The following NRG3 variants were observed in gnomAD, a reference collection of about 807,000 sequenced individuals.
NRG3 encodes the protein pro-neuregulin-3, membrane-bound isoform.
NRG3 carries 31 observed loss-of-function variants against 66.9 expected under a neutral mutation model. The observed-to-expected ratio is 0.46, with a 90% CI of 0.35 to 0.63. The LOEUF is 0.63. Among genes scored for constraint, NRG3 ranks in the 20% least tolerant of loss-of-function variants. The pLI, the probability that NRG3 is intolerant of heterozygous loss-of-function variation, is 0.00. For synonymous variants in NRG3, 393 were observed against 359.4 expected, an observed-to-expected ratio of 1.09 and a Z score of -1.06; for missense variants, 910 against 878.9, an observed-to-expected ratio of 1.04 and a Z score of -0.45.
chr10:82,967,072 T>A (rs1851278291), intron 6 of NRG3, among the ~76,000 whole-genome samples: 1 of 151,390 alleles, frequency 6.6e-6, no homozygotes, highest in Non-Finnish European at 1.5e-5. Flanking sequence ...GGAAGCTAGG[T>A]GTGTATGTTA....
chr10:82,307,764 T>TC (rs1050087097), intron 1 of NRG3, among the ~76,000 whole-genome samples: 10 of 150,850 alleles, frequency 6.6e-5, no homozygotes, highest in African/African-American at 2.4e-4. Flanking sequence ...CTTTTTTTTT[T>TC]CCTGTCATTT....
intron 2 of NRG3, among the ~76,000 whole-genome samples, chr10:82,721,733 T>G (rs1427866758): frequency 1.3e-5 from 2 of 152,180 alleles, no homozygotes; most frequent in Non-Finnish European, 2.9e-5. Flanking sequence ...CTTATTTGTT[T>G]TAATAAAAGG....
intron 2 of NRG3, among the ~76,000 whole-genome samples, chr10:82,490,093 G>A (rs1237346359): frequency 6.6e-6 from 1 of 152,130 alleles, no homozygotes; most frequent in Non-Finnish European, 1.5e-5. Flanking sequence ...TTAGATCATT[G>A]CCATCTCTAT....
rs555588957 is a variant in NRG3, at chr10:82,022,061, C to T, written c.823+145898C>T. On this transcript the variant is annotated intron_variant, in intron 1 of 8. Coordinates refer to ENST00000372141, the MANE Select transcript of NRG3 (RefSeq NM_001010848.4). The stretch of plus-strand genomic sequence containing the variant: ...AGCATCAAATTCTGAATGGGCATCA[C>T]TGATTCATTTACACATCTGTTAAAA... Among the ~76,000 whole-genome samples the T allele has an allele frequency of 2.6e-5, 4 of 151,964 alleles. No homozygotes were observed. The South Asian group carries it at 8.3e-4, about 32-fold the overall frequency.
chr10:82,437,454 T>G (rs1318474046), intron 2 of NRG3, among the ~76,000 whole-genome samples: 1 of 152,056 alleles, frequency 6.6e-6, no homozygotes, highest in Non-Finnish European at 1.5e-5. Context: ...TTATGAAGTT[T>G]CTTAGCTTCT....
Position 82,099,301 on chromosome 10 carries a change from T to C in NRG3, c.823+223138T>C, listed in dbSNP as rs2066576641. Among the ~76,000 whole-genome samples, 2 of 152,192 alleles carry C rather than the reference T, an allele frequency of 1.3e-5. 1 individual carries two copies. The highest frequency in any genetic ancestry group is 4.1e-4 in the South Asian group (2 of 4,834). On this transcript the variant is annotated intron_variant, in intron 1 of 8. Coordinates refer to ENST00000372141, the MANE Select transcript of NRG3 (RefSeq NM_001010848.4). ...TAAAATTTGGTTAGGATTCACTTTTTTGATAACTGATTGTTCCACCAAAAT... is the reference window on the plus strand; with the variant it reads ...TAAAATTTGGTTAGGATTCACTTTTCTGATAACTGATTGTTCCACCAAAAT...
At chr10:82,976,399 A>G (rs1852258965) in intron 7 of NRG3, among the ~76,000 whole-genome samples, 1 of 152,120 alleles carries the variant, frequency 6.6e-6, no homozygotes, top group South Asian at 2.1e-4. Flanking sequence ...TTGCATTGAA[A>G]TAATTCCAGG....
intron 1 of NRG3, among the ~76,000 whole-genome samples, chr10:82,294,686 C>A (rs1173422024): frequency 6.6e-6 from 1 of 152,130 alleles, no homozygotes; most frequent in Non-Finnish European, 1.5e-5. Flanking sequence ...GATTTTCTCT[C>A]CAAATGAAAT....
chr10:82,480,454 A>C (rs1174077985), intron 2 of NRG3, among the ~76,000 whole-genome samples: 1 of 152,210 alleles, frequency 6.6e-6, no homozygotes, highest in African/African-American at 2.4e-5. Context: ...GCTTATGAAA[A>C]AAAGAAACAT....
At chr10:82,139,183 T>C (rs1375043347) in intron 1 of NRG3, among the ~76,000 whole-genome samples, 5 of 152,142 alleles carry the variant, frequency 3.3e-5, no homozygotes, top group Admixed American at 3.3e-4. Context: ...AGGTTGCATA[T>C]ACAGCCTCTA....
At chr10:82,601,917 A>T (rs1362329977) in intron 2 of NRG3, among the ~76,000 whole-genome samples, 6 of 147,176 alleles carry the variant, frequency 4.1e-5, no homozygotes, top group East Asian at 2.0e-4. Flanking sequence ...TATATATATA[A>T]AACTATATAT....
chr10:82,830,561 C>T (rs558414917), intron 3 of NRG3, among the ~76,000 whole-genome samples: 3 of 152,104 alleles, frequency 2.0e-5, no homozygotes, highest in Admixed American at 2.0e-4. Context: ...TATACATGTT[C>T]AATGGATAGT....
At position 82,816,642 on chromosome 10, in the gene NRG3, G is replaced by A. The variant is rs114164107; in HGVS notation, c.1028-48769G>A. Among the ~76,000 whole-genome samples, 230 of 152,284 alleles carry A rather than the reference G, an allele frequency of 1.5e-3. 2 individuals are homozygous for A. The highest frequency in any genetic ancestry group is 5.2e-3 in the African/African-American group (216 of 41,560). Reference sequence around the variant, plus strand: ...TGGGTCTTTACCCCTTCCCACAGAGGAGCCTGTCTGCCTCCTACTTCCTTA... The same window carrying A: ...TGGGTCTTTACCCCTTCCCACAGAGAAGCCTGTCTGCCTCCTACTTCCTTA... On this transcript the variant is annotated intron_variant, in intron 3 of 8. Coordinates refer to ENST00000372141, the MANE Select transcript of NRG3 (RefSeq NM_001010848.4).
intron 2 of NRG3, among the ~76,000 whole-genome samples, chr10:82,449,062 G>A (rs1248101504): frequency 6.6e-6 from 1 of 152,140 alleles, no homozygotes; most frequent in East Asian, 1.9e-4. Context: ...AATGAATGCA[G>A]CAGCCATCAG....
intron 2 of NRG3, among the ~76,000 whole-genome samples, chr10:82,429,785 G>A (rs562421926): frequency 9.9e-5 from 15 of 152,046 alleles, no homozygotes; most frequent in African/African-American, 3.1e-4. Flanking sequence ...TGTCCCGTAC[G>A]TCTCTGAGTT....
chr10:82,159,230 A>G (rs892330672), intron 1 of NRG3, among the ~76,000 whole-genome samples: 2 of 151,924 alleles, frequency 1.3e-5, no homozygotes, highest in African/African-American at 4.8e-5. Flanking sequence ...ACTAAGTTTC[A>G]TATGCAATGG....
chr10:82,203,553 A>G (rs1045864163), intron 1 of NRG3, among the ~76,000 whole-genome samples: 2 of 152,178 alleles, frequency 1.3e-5, no homozygotes, highest in African/African-American at 4.8e-5. Flanking sequence ...AGGCTTAGAA[A>G]TTGACTTTGT....
intron 2 of NRG3, among the ~76,000 whole-genome samples, chr10:82,450,378 T>G (rs2090963183): frequency 6.6e-6 from 1 of 152,158 alleles, no homozygotes. Context: ...TCATTCTGGC[T>G]AATCTTCTAG....
Position 82,265,412 on chromosome 10 carries a change from C to T in NRG3, c.824-93327C>T, listed in dbSNP as rs747602446. Among the ~76,000 whole-genome samples the T allele has an allele frequency of 9.2e-5, 14 of 152,054 alleles. No individual in the cohort carries two copies. The East Asian group carries it at 9.6e-4, about 10-fold the overall frequency. ...ATGAGAGCACGAGGAAGGTTATGGACGATGGCACTGTAATGTATTATAGTC... is the reference window on the plus strand; with the variant it reads ...ATGAGAGCACGAGGAAGGTTATGGATGATGGCACTGTAATGTATTATAGTC... On this transcript the variant is annotated intron_variant, in intron 1 of 8. Coordinates refer to ENST00000372141, the MANE Select transcript of NRG3 (RefSeq NM_001010848.4).
Sources: gnomAD v4.1 joint callset for allele counts (sites outside exome capture counted in the v4.1 genomes callset) on GRCh38, gnomAD v4.1.1 for gene constraint, MANE v1.5 for transcripts, NCBI Gene and HGNC (gene_info 2026-07-23, HGNC 2026-07-21) for gene names.